The following MYT1 variants were observed in gnomAD, a reference collection of about 807,000 sequenced individuals.
The protein encoded by MYT1 is myelin transcription factor 1.
MYT1 carries 23 observed loss-of-function variants against 123.0 expected under a neutral mutation model. The observed-to-expected ratio is 0.19, with a 90% CI of 0.13 to 0.26. The LOEUF (loss-of-function observed/expected upper bound fraction) is 0.26, where lower values mean the gene tolerates loss of function less well. MYT1 is among the 10% of genes least tolerant of loss of function. The probability of loss-of-function intolerance (pLI) is 1.00; values close to 1 mark genes in which losing one functional copy is unlikely to be tolerated. For synonymous variants in MYT1, 518 were observed against 575.3 expected (o/e 0.90, Z 1.43); for missense variants, 1,125 against 1,472.5 (o/e 0.76, Z 3.86).
chr20:64,177,754 G>A (rs1163218235), intron 1 of MYT1, among the ~76,000 whole-genome samples: 4 of 151,362 alleles, frequency 2.6e-5, no homozygotes, highest in African/African-American at 4.9e-5. Flanking sequence ...GGGGGGTCCT[G>A]TGTGGGCTGA....
intron 1 of MYT1, among the ~76,000 whole-genome samples, chr20:64,181,891 T>A (rs1982661904): frequency 6.6e-6 from 1 of 152,168 alleles, no homozygotes; most frequent in Non-Finnish European, 1.5e-5. Flanking sequence ...TCCTAGGGCC[T>A]TACCTTCCTA....
At chr20:64,187,350 T>C (rs1378948644) in intron 1 of MYT1, among the ~76,000 whole-genome samples, 22 of 122,992 alleles carry the variant, frequency 1.8e-4, no homozygotes, top group African/African-American at 3.2e-4. Context: ...TCCTGTAGCC[T>C]GTGGCCCCGG....
In MYT1 at chr20:64,227,486, G is replaced by T; in HGVS notation, c.2591+9G>T. On this transcript the variant is annotated intron_variant, in intron 17 of 22. Transcript: ENST00000328439. ...TACGCTTCACACCGGAGGTGAGCCT[G>T]CCACACCCTCAGGTCCTGGGCCCCA... The T allele has an allele frequency of 6.2e-7, 1 of 1,611,954 alleles. No individual in the cohort carries two copies. The highest frequency in any genetic ancestry group is 1.1e-5 in the South Asian group (1 of 90,998).
At position 64,236,787 on chromosome 20, in the gene MYT1, C is replaced by G. The variant is rs1177920065; in HGVS notation, c.2989+141C>G. 5 of 710,150 alleles carry G rather than the reference C, an allele frequency of 7.0e-6. No individual in the cohort carries two copies. In the African/African-American group the frequency reaches 8.9e-5, roughly 13 times the overall value. The allele number at this position is 710,150 out of a possible 1,614,324, so 44.0% of individuals were successfully genotyped here. ...GAGTCACGGCAGAGGCAGATCCCTT[C>G]ACCTAAGCTGACAGCCTTTCGGACC... is the stretch of plus-strand genomic sequence containing the variant. On this transcript the variant is annotated intron_variant, in intron 20 of 22. Transcript: ENST00000328439.
At chr20:64,237,259 C>T (rs1273796832) in intron 20 of MYT1, 28 bp from the exon 21 acceptor site, 2 of 1,595,948 alleles carry the variant, frequency 1.3e-6, no homozygotes, top group Admixed American at 3.5e-5. Context: ...AGGCCCAAAG[C>T]CACAACTGAG....
In MYT1 at chr20:64,213,261, A is replaced by T. The variant is rs935048567; in HGVS notation, c.1518-273A>T. On this transcript the variant is annotated intron_variant, in intron 9 of 22. Coordinates refer to ENST00000328439, the MANE Select transcript of MYT1 (RefSeq NM_004535.3). The surrounding 1 kb of genome is among the most constrained non-coding windows in gnomAD (Gnocchi z 5.6). ...GCCCAGAGCTTTCAAGGCCTTTAGG[A>T]TATATTTCATCTTTGTGTGTCCTTG... Among the ~76,000 whole-genome samples, 2 of 152,176 alleles carry T rather than the reference A, an allele frequency of 1.3e-5. No homozygotes were observed. Among genetic ancestry groups the T allele is most frequent in the Admixed American group, 1.3e-4 (2 of 15,284 alleles).
rs1347323880 is a variant in MYT1 at position 64,167,006 on chromosome 20, T to C, written c.-99+2267T>C. Among the ~76,000 whole-genome samples, 2 of 152,156 alleles carry C rather than the reference T, an allele frequency of 1.3e-5. No individual in the cohort carries two copies. Among genetic ancestry groups the C allele is most frequent in the East Asian group, 3.9e-4 (2 of 5,188 alleles). ...CTCAGAGACTCACTCCCTTCCTCTC[T>C]GGCCTGGGGTCACTGAATGTGCAGA... On this transcript the variant is annotated intron_variant, in intron 1 of 22. Coordinates refer to ENST00000328439, the MANE Select transcript of MYT1 (RefSeq NM_004535.3). The surrounding 1 kb of genome is among the most constrained non-coding windows in gnomAD (Gnocchi z 6.3).
intron 1 of MYT1, among the ~76,000 whole-genome samples, chr20:64,169,379 T>C (rs1282757333): frequency 2.6e-5 from 4 of 152,222 alleles, no homozygotes; most frequent in African/African-American, 9.6e-5. Context: ...TCAAAGCGCT[T>C]GGGTCTTTAC....
rs372164062 is a variant in MYT1 at position 64,219,616 on chromosome 20, C to G, written c.1972-97C>G. On this transcript the variant is annotated intron_variant, in intron 12 of 22. Transcript: ENST00000328439. ...GTTGTCCTGCTTCCTTCTATGGGAA[C>G]CAGTGTTCTGGACTCTGTACGTTTG... is the stretch of plus-strand genomic sequence containing the variant. 4 of 1,075,376 alleles carry G rather than the reference C, an allele frequency of 3.7e-6. No homozygotes were observed. In the East Asian group the frequency reaches 9.8e-5, roughly 26 times the overall value. 66.6% of individuals were successfully genotyped at this position (1,075,376 alleles called of 1,614,324 possible). A position where few individuals can be genotyped will look rare whatever the true frequency, so the allele number is the denominator to read the frequency against.
intron 1 of MYT1, among the ~76,000 whole-genome samples, chr20:64,181,220 C>G (rs1242620529): frequency 6.6e-6 from 1 of 151,978 alleles, no homozygotes; most frequent in Non-Finnish European, 1.5e-5. Context: ...TCTTTTTATT[C>G]ACGATTATGG....
chr20:64,201,917 C>T (rs75939601), intron 4 of MYT1, among the ~76,000 whole-genome samples: 30,886 of 126,570 alleles, frequency 0.24, 4,267 homozygotes, highest in African/African-American at 0.4. Flanking sequence ...GGAACCCCCG[C>T]GTGTCGGGAA....
rs1288295441 is a variant in MYT1, at chr20:64,186,931, G to A, written c.-98-3132G>A. ...CCCGGCATCCATGTTTCCGTGGAGA[G>A]TTTTCCTGTAGCACGTGGCTCCGGC... On this transcript the variant is annotated intron_variant, in intron 1 of 22. Transcript: ENST00000328439. The surrounding 1 kb of genome is among the most constrained non-coding windows in gnomAD (Gnocchi z 4.3). Among the ~76,000 whole-genome samples, 1 of 142,812 alleles carries A rather than the reference G, an allele frequency of 7.0e-6. No homozygotes were observed. Among genetic ancestry groups the A allele is most frequent in the Non-Finnish European group, 1.5e-5 (1 of 65,914 alleles). The allele number at this position is 142,812 out of a possible 152,430, so 93.7% of individuals were successfully genotyped here.
intron 14 of MYT1, 102 bp from the exon 15 acceptor site, chr20:64,223,009 G>C (rs1984055965): frequency 7.4e-7 from 1 of 1,346,886 alleles, no homozygotes; most frequent in African/African-American, 1.4e-5. Context: ...TTGGCTCGCG[G>C]GTGAGCCAGG....
In MYT1 at chr20:64,205,059, C is replaced by T. The variant is rs1322560158; in HGVS notation, c.111C>T (p.Gly37=). ...GCTGCCCCACCCCAGGATGCACAGG[C>T]TCAGGGCACGTCCGGGGCAAGTACT... is the stretch of plus-strand genomic sequence containing the variant. ...DLSCPTPGCT[G]SGHVRGKYSR... The change falls in exon 5 of 23, where the codon GGC becomes GGT. Residue 37 remains glycine (G), a synonymous_variant. Coordinates refer to ENST00000328439, the MANE Select transcript of MYT1 (RefSeq NM_004535.3). 1.9e-6 allele frequency: 3 copies of T among 1,613,988 alleles called. No homozygotes were observed. In the African/African-American group the frequency reaches 4.0e-5, roughly 22 times the overall value.
chr20:64,179,765 G>A (rs976766779), intron 1 of MYT1, among the ~76,000 whole-genome samples: 1 of 151,914 alleles, frequency 6.6e-6, no homozygotes. Flanking sequence ...GGCCTCTAGT[G>A]GACATGGCTG....
chr20:64,235,972 A>ATGGCCGCGGTGGGTGACCCTGGGC lies in MYT1; in HGVS notation c.2898-535_2898-512dup, dbSNP rs1568722909. Among the ~76,000 whole-genome samples, 7 of 60,566 alleles carry ATGGCCGCGGTGGGTGACCCTGGGC rather than the reference A, an allele frequency of 1.2e-4. 1 individual carries two copies. The highest frequency in any genetic ancestry group is 2.0e-4 in the Non-Finnish European group (6 of 30,050). The allele number at this position is 60,566 out of a possible 152,430, so 39.7% of individuals were successfully genotyped here. On this transcript the variant is annotated intron_variant, in intron 19 of 22. Transcript: ENST00000328439. ...GCTGGACGTGGTGGGTGACCCTGGGATGGCCGCGGTGGGTGACCCTGGGCT... is the reference window on the plus strand; with the variant it reads ...GCTGGACGTGGTGGGTGACCCTGGGATGGCCGCGGTGGGTGACCCTGGGCTGGCCGCGGTGGGTGACCCTGGGCT...
At chr20:64,205,253 G>A (rs1291982685) in intron 5 of MYT1, among the ~76,000 whole-genome samples, 156 bp downstream of exon 5, 2 of 152,200 alleles carry the variant, frequency 1.3e-5, no homozygotes, top group Non-Finnish European at 2.9e-5. Flanking sequence ...CTAGCGTGGA[G>A]ATCTGTGTGG....
chr20:64,205,665 G>T lies in MYT1; in HGVS notation c.262G>T (p.Gly88Cys). The part of the protein sequence containing the change: ...PLKLALDEGY[G>C]VDSDGSEDTE... Reference sequence around the variant, plus strand: ...GAAGCTGGCTCTGGACGAGGGCTATGGTGTGGACAGCGACGGCAGTGAGGA... The same window carrying T: ...GAAGCTGGCTCTGGACGAGGGCTATTGTGTGGACAGCGACGGCAGTGAGGA... Residue 88 changes from glycine (G) to cysteine (C), a missense_variant, in exon 6 of 23, where the codon GGT (glycine) becomes TGT (cysteine). By Grantham distance (159) the Gly-to-Cys change is radical. Coordinates refer to ENST00000328439, the MANE Select transcript of MYT1 (RefSeq NM_004535.3). 1 of 1,614,236 alleles carries T rather than the reference G, an allele frequency of 6.2e-7. No individual in the cohort carries two copies.
chr20:64,239,923 G>A lies in MYT1; in HGVS notation c.3237+20G>A. On this transcript the variant is annotated intron_variant, in intron 22 of 22. Transcript: ENST00000328439. ...CACATGGTAGGCAGCACGCGGGCCT[G>A]CCGGCACCACAGCTACCCCCCAGGG... 1 of 1,608,968 alleles carries A rather than the reference G, an allele frequency of 6.2e-7. No individual in the cohort carries two copies. The highest frequency in any genetic ancestry group is 1.1e-5 in the South Asian group (1 of 91,058).
Sources: gnomAD v4.1 joint callset for allele counts (sites outside exome capture counted in the v4.1 genomes callset) on GRCh38, gnomAD v4.1.1 for gene constraint, Gnocchi (gnomAD v3.1) non-coding constraint, MANE v1.5 for transcripts, NCBI Gene and HGNC (gene_info 2026-07-23, HGNC 2026-07-21) for gene names.